IL1RAPL2: variants seen among roughly 807,000 people sequenced by gnomAD.
IL1RAPL2 encodes X-linked interleukin-1 receptor accessory protein-like 2.
Under a neutral mutation model 44.1 loss-of-function variants are expected in IL1RAPL2, and 3 were observed. That is an observed-to-expected ratio of 0.07 (90% CI 0.03 to 0.18). The LOEUF is 0.18. Among genes scored for constraint, IL1RAPL2 ranks in the 10% least tolerant of loss-of-function variants. IL1RAPL2 has a pLI of 1.00. For synonymous variants in IL1RAPL2, 181 were observed against 178.8 expected (o/e 1.01, Z -0.10); for missense variants, 391 against 496.4 (o/e 0.79, Z 2.02).
intron 2 of IL1RAPL2, among the ~76,000 whole-genome samples, chrX:105,021,632 T>C (rs1353860299): frequency 1.8e-5 from 2 of 111,195 alleles, no homozygotes; most frequent in Non-Finnish European, 3.8e-5. Context: ...GAGACTCAGA[T>C]ATCTATGATG....
chrX:104,891,039 C>T (rs997264923), intron 2 of IL1RAPL2, among the ~76,000 whole-genome samples: 7 of 111,818 alleles, frequency 6.3e-5, no homozygotes, highest in Non-Finnish European at 1.1e-4. Context: ...TTCCCAGCAC[C>T]GTTTGTTAAA....
At chrX:105,508,764 G>T (rs1418309477) in intron 6 of IL1RAPL2, among the ~76,000 whole-genome samples, 1 of 110,679 alleles carries the variant, frequency 9.0e-6, no homozygotes, top group African/African-American at 3.3e-5. Flanking sequence ...CATTGATCAA[G>T]CATTGACATT....
intron 2 of IL1RAPL2, among the ~76,000 whole-genome samples, chrX:104,868,643 G>T (rs923985343): frequency 1.8e-5 from 2 of 112,317 alleles, no homozygotes; most frequent in Non-Finnish European, 3.8e-5. Context: ...TGTGGCAGTA[G>T]AAATTTGCAT....
At chrX:104,605,045 A>C (rs1170069790) in intron 1 of IL1RAPL2, among the ~76,000 whole-genome samples, 1 of 111,792 alleles carries the variant, frequency 8.9e-6, no homozygotes, top group African/African-American at 3.2e-5. Context: ...ACACTTATTC[A>C]AAAACTGACT....
At chrX:105,628,438 C>CA (rs935538163) in intron 6 of IL1RAPL2, among the ~76,000 whole-genome samples, 6 of 107,493 alleles carry the variant, frequency 5.6e-5, no homozygotes, top group African/African-American at 6.8e-5. Flanking sequence ...GATAATTTTA[C>CA]AAAAAAAAAT....
intron 6 of IL1RAPL2, among the ~76,000 whole-genome samples, chrX:105,626,230 T>C (rs928237617): frequency 1.8e-4 from 20 of 111,965 alleles, no homozygotes; most frequent in African/African-American, 6.2e-4. Flanking sequence ...TTTTGAATTT[T>C]TGAGGTGCAC....
In IL1RAPL2 at chrX:105,406,191, G is replaced by A. The variant is rs182934006; in HGVS notation, c.698-78122G>A. ...AATTTGTTTCCCTGAATTCTAAGGA[G>A]CACTTTAGTGAATAAAGAACCTGAC... is the stretch of plus-strand genomic sequence containing the variant. On this transcript the variant is annotated intron_variant, in intron 5 of 10. Coordinates refer to ENST00000372582, the MANE Select transcript of IL1RAPL2 (RefSeq NM_017416.2). The A allele has an allele frequency of 6.7e-5, 77 of 1,152,446 alleles. No homozygotes were observed. In the African/African-American group the frequency reaches 1.1e-3, roughly 17 times the overall value. 95.0% of individuals were successfully genotyped at this position (1,152,446 alleles called of 1,213,427 possible). A position where few individuals can be genotyped will look rare whatever the true frequency, so the allele number is the denominator to read the frequency against.
intron 5 of IL1RAPL2, among the ~76,000 whole-genome samples, chrX:105,363,289 A>AATATAT (rs61486978): frequency 3.9e-5 from 3 of 76,236 alleles, no homozygotes; most frequent in African/African-American, 8.2e-5. Flanking sequence ...ATATATATAT[A>AATATAT]ATATATATAT....
intron 2 of IL1RAPL2, among the ~76,000 whole-genome samples, chrX:104,934,742 G>A (rs1924988522): frequency 8.9e-6 from 1 of 112,120 alleles, no homozygotes; most frequent in Admixed American, 9.5e-5. Flanking sequence ...TGAAAAGGGA[G>A]AAGAAAGCCA....
intron 2 of IL1RAPL2, among the ~76,000 whole-genome samples, chrX:104,685,473 A>G (rs1930969387): frequency 9.0e-6 from 1 of 111,713 alleles, no homozygotes; most frequent in Non-Finnish European, 1.9e-5. Flanking sequence ...GTACCTACTT[A>G]GATTTAAATC....
chrX:105,079,300 C>A (rs1569376923), intron 2 of IL1RAPL2, among the ~76,000 whole-genome samples: 1 of 110,287 alleles, frequency 9.1e-6, no homozygotes, highest in African/African-American at 3.3e-5. Flanking sequence ...ACCATTTGAC[C>A]TAGCAATCCT....
At chrX:104,993,210 G>A (rs987600064) in intron 2 of IL1RAPL2, among the ~76,000 whole-genome samples, 1 of 111,332 alleles carries the variant, frequency 9.0e-6, no homozygotes, top group Non-Finnish European at 1.9e-5. Flanking sequence ...TTTCTTATAG[G>A]TTAGGCATCT....
At chrX:104,905,082 T>C (rs1602801038) in intron 2 of IL1RAPL2, among the ~76,000 whole-genome samples, 1 of 111,742 alleles carries the variant, frequency 8.9e-6, no homozygotes, top group African/African-American at 3.2e-5. Flanking sequence ...CATGTGTTTT[T>C]TGGCTGCATA....
intron 3 of IL1RAPL2, among the ~76,000 whole-genome samples, chrX:105,199,690 A>C (rs1488893873): frequency 1.8e-5 from 2 of 111,684 alleles, no homozygotes; most frequent in Non-Finnish European, 3.8e-5. Context: ...GAGGTTCTCA[A>C]CTCACATCTA....
chrX:104,808,573 G>A (rs1932941431), intron 2 of IL1RAPL2, among the ~76,000 whole-genome samples: 1 of 111,389 alleles, frequency 9.0e-6, no homozygotes, highest in Non-Finnish European at 1.9e-5. Flanking sequence ...GGAGTCGCAA[G>A]AGCCAAGTTA....
chrX:104,674,934 C>G (rs1259637368), intron 2 of IL1RAPL2, among the ~76,000 whole-genome samples: 36 of 111,356 alleles, frequency 3.2e-4, no homozygotes, highest in Admixed American at 5.7e-4. Context: ...TCTGTGGGAT[C>G]GGTGGTGATA....
intron 2 of IL1RAPL2, among the ~76,000 whole-genome samples, chrX:104,796,885 C>T (rs1045386730): frequency 9.0e-6 from 1 of 111,366 alleles, no homozygotes; most frequent in African/African-American, 3.3e-5. Context: ...ATTCTCCTAC[C>T]TCAGCCCCCT....
chrX:104,945,603 T>G (rs375197403), intron 2 of IL1RAPL2, among the ~76,000 whole-genome samples: 1 of 112,022 alleles, frequency 8.9e-6, no homozygotes, highest in Admixed American at 9.5e-5. Context: ...AATGCGTGTC[T>G]TTACAAATGG....
intron 7 of IL1RAPL2, among the ~76,000 whole-genome samples, chrX:105,727,538 A>G (rs1486567978): frequency 9.0e-6 from 1 of 111,474 alleles, no homozygotes; most frequent in Non-Finnish European, 1.9e-5. Context: ...TATTGATGAT[A>G]TGGGCAGATA....
Sources: allele counts gnomAD v4.1 joint callset (sites outside exome capture counted in the v4.1 genomes callset), GRCh38; gene constraint gnomAD v4.1.1; transcripts MANE v1.5; gene names NCBI Gene and HGNC (gene_info 2026-07-23, HGNC 2026-07-21).